DAAM1: variants seen among roughly 807,000 people sequenced by gnomAD.
DAAM1 encodes the protein disheveled-associated activator of morphogenesis 1.
Under a neutral mutation model 130.0 loss-of-function variants are expected in DAAM1, and 52 were observed. The ratio of observed to expected loss-of-function variants is 0.40; its 90% CI spans 0.32 to 0.50. The LOEUF (loss-of-function observed/expected upper bound fraction) is 0.50. DAAM1 is among the 20% of genes least tolerant of loss of function. DAAM1 has a pLI of 0.61. For missense variants in DAAM1, 1,134 were observed against 1,303.8 expected, an observed-to-expected ratio of 0.87 and a Z score of 2.01; for synonymous variants, 452 against 444.5, an observed-to-expected ratio of 1.02 and a Z score of -0.21.
intron 1 of DAAM1, among the ~76,000 whole-genome samples, chr14:59,216,605 C>T (rs1393057027): frequency 1.3e-5 from 2 of 152,008 alleles, no homozygotes; most frequent in African/African-American, 4.8e-5. Context: ...CCTGTAATCC[C>T]AGGTATTTGG....
At chr14:59,365,728 G>T (rs1886888835) in intron 23 of DAAM1, among the ~76,000 whole-genome samples, 1 of 152,040 alleles carries the variant, frequency 6.6e-6, no homozygotes, top group African/African-American at 2.4e-5. Flanking sequence ...AGCTGTTTGG[G>T]GGCACTGCAT....
chr14:59,358,085 T>C (rs956338022), intron 20 of DAAM1, among the ~76,000 whole-genome samples: 1 of 149,800 alleles, frequency 6.7e-6, no homozygotes, highest in African/African-American at 2.6e-5. Flanking sequence ...CCCTCCTAAT[T>C]CTAACTTCAA....
At chr14:59,298,549 A>G (rs1268038900) in intron 3 of DAAM1, among the ~76,000 whole-genome samples, 2 of 152,242 alleles carry the variant, frequency 1.3e-5, no homozygotes, top group Non-Finnish European at 2.9e-5. Context: ...CCTAAATGCT[A>G]TAATCTCAAA....
intron 2 of DAAM1, among the ~76,000 whole-genome samples, chr14:59,289,390 A>G (rs1883616510): frequency 6.6e-6 from 1 of 152,112 alleles, no homozygotes; most frequent in Non-Finnish European, 1.5e-5. Context: ...CAATCACATC[A>G]ATTACTAATT....
At chr14:59,245,494 C>G (rs1478111173) in intron 1 of DAAM1, among the ~76,000 whole-genome samples, 2 of 152,072 alleles carry the variant, frequency 1.3e-5, no homozygotes, top group Non-Finnish European at 2.9e-5. Flanking sequence ...AAAATATTAC[C>G]TAATTAGACA....
intron 2 of DAAM1, among the ~76,000 whole-genome samples, chr14:59,281,458 T>A (rs1293894511): frequency 1.3e-5 from 2 of 152,156 alleles, no homozygotes; most frequent in African/African-American, 4.8e-5. Context: ...CTTACTCTTG[T>A]TAATTGGACT....
At chr14:59,198,517 C>T (rs1170344343) in intron 1 of DAAM1, among the ~76,000 whole-genome samples, 4 of 152,146 alleles carry the variant, frequency 2.6e-5, no homozygotes, top group Admixed American at 6.5e-5. Flanking sequence ...GCATGAGCCA[C>T]CGTGCCTGGC....
At chr14:59,214,955 C>G (rs1369775354) in intron 1 of DAAM1, among the ~76,000 whole-genome samples, 1 of 152,150 alleles carries the variant, frequency 6.6e-6, no homozygotes, top group African/African-American at 2.4e-5. Context: ...TTTATATTTC[C>G]ACCAGCAATG....
intron 3 of DAAM1, among the ~76,000 whole-genome samples, chr14:59,315,072 C>T (rs1884734594): frequency 6.6e-6 from 1 of 152,176 alleles, no homozygotes; most frequent in Non-Finnish European, 1.5e-5. Flanking sequence ...CTTCAGCATT[C>T]TCTGTGGAAA....
intron 20 of DAAM1, among the ~76,000 whole-genome samples, chr14:59,356,632 T>C (rs1045946049): frequency 1.3e-5 from 2 of 152,240 alleles, no homozygotes; most frequent in African/African-American, 4.8e-5. Flanking sequence ...GGATCTTATT[T>C]GGAGGTTGAA....
intron 3 of DAAM1, among the ~76,000 whole-genome samples, chr14:59,314,253 G>A (rs1228972106): frequency 6.6e-6 from 1 of 152,224 alleles, no homozygotes; most frequent in African/African-American, 2.4e-5. Context: ...GACAGTAGCT[G>A]TGTGTACATG....
At chr14:59,286,190 A>G (rs747258141) in intron 2 of DAAM1, among the ~76,000 whole-genome samples, 8 of 152,190 alleles carry the variant, frequency 5.3e-5, no homozygotes, top group Non-Finnish European at 1.2e-4. Context: ...AAAGAATGAA[A>G]TTAAGGCAAA....
At position 59,325,561 on chromosome 14, in the gene DAAM1, T is replaced by C. The variant is rs111645575; in HGVS notation, c.990-103T>C. 1.1e-5 allele frequency: 11 copies of C among 979,014 alleles called. No individual in the cohort carries two copies. The East Asian group carries it at 2.8e-4, about 25-fold the overall frequency. 60.6% of individuals were successfully genotyped at this position (979,014 alleles called of 1,614,324 possible). A position where few individuals can be genotyped will look rare whatever the true frequency, so the allele number is the denominator to read the frequency against. ...TGTTACATTGTTCCTTTTTGAGATA[T>C]CTCTGAAAAGTCAGGAAAAACCATG... On this transcript the variant is annotated intron_variant, in intron 8 of 24. Coordinates refer to ENST00000360909, the MANE Select transcript of DAAM1 (RefSeq NM_001270520.2).
chr14:59,213,906 T>C (rs975879297), intron 1 of DAAM1, among the ~76,000 whole-genome samples: 1 of 152,244 alleles, frequency 6.6e-6, no homozygotes, highest in Non-Finnish European at 1.5e-5. Context: ...TCTGCCATCT[T>C]TCCTGGATTT....
At chr14:59,232,355 A>G (rs1355632363) in intron 1 of DAAM1, among the ~76,000 whole-genome samples, 1 of 152,186 alleles carries the variant, frequency 6.6e-6, no homozygotes, top group Admixed American at 6.5e-5. Flanking sequence ...TCTCTGTCTT[A>G]GCCTTCCTGC....
intron 1 of DAAM1, among the ~76,000 whole-genome samples, chr14:59,262,989 A>G (rs1882245489): frequency 6.6e-6 from 1 of 152,238 alleles, no homozygotes; most frequent in Non-Finnish European, 1.5e-5. Context: ...ATGTCATAGC[A>G]TATATGTTAT....
intron 1 of DAAM1, among the ~76,000 whole-genome samples, chr14:59,256,710 A>C (rs1198473021): frequency 6.6e-6 from 1 of 152,198 alleles, no homozygotes; most frequent in African/African-American, 2.4e-5. Context: ...CTAGGTCCCT[A>C]GTTTCAGAAG....
At chr14:59,269,650 T>G (rs1364935145) in intron 2 of DAAM1, among the ~76,000 whole-genome samples, 1 of 152,256 alleles carries the variant, frequency 6.6e-6, no homozygotes, top group East Asian at 1.9e-4. Flanking sequence ...AGGAGGGTGC[T>G]GTTCACTAAC....
In DAAM1 at chr14:59,364,629, C is replaced by CTT. The variant is rs1886842546; in HGVS notation, c.2826+848_2826+849insTT. Among the ~76,000 whole-genome samples the CTT allele has an allele frequency of 2.6e-5, 4 of 151,196 alleles. No homozygotes were observed. In the South Asian group the frequency reaches 8.3e-4, roughly 31 times the overall value. ...CCCATCTCTCAGTTGCCACAACACT[C>CTT]TGAGTCTTTTGTTTCGAAACTTCTG... On this transcript the variant is annotated intron_variant, in intron 23 of 24. Transcript: ENST00000360909.
Sources: allele counts gnomAD v4.1 joint callset (sites outside exome capture counted in the v4.1 genomes callset), GRCh38; gene constraint gnomAD v4.1.1; transcripts MANE v1.5; gene names NCBI Gene and HGNC (gene_info 2026-07-23, HGNC 2026-07-21).